Variants in KCNMB2 observed in about 807,000 individuals in gnomAD.
KCNMB2 encodes potassium calcium-activated channel subfamily M regulatory beta subunit 2.
In KCNMB2, 9 loss-of-function variants were observed where a neutral mutation model predicts 24.5. The ratio of observed to expected loss-of-function variants is 0.37; its 90% CI spans 0.22 to 0.64. The LOEUF is 0.64. Among genes scored for constraint, KCNMB2 ranks in the 30% least tolerant of loss-of-function variants. The pLI, the probability that KCNMB2 is intolerant of heterozygous loss-of-function variation, is 0.63. For synonymous variants in KCNMB2, 109 were observed against 104.4 expected (o/e 1.04, Z -0.27); for missense variants, 226 against 284.3 (o/e 0.79, Z 1.47).
At chr3:178,784,049 C>T (rs1389809217) in intron 1 of KCNMB2, among the ~76,000 whole-genome samples, 1 of 152,120 alleles carries the variant, frequency 6.6e-6, no homozygotes, top group African/African-American at 2.4e-5. Context: ...TCTTAACAGA[C>T]TGATGTCTAT....
Position 178,667,014 on chromosome 3 carries a change from T to C in KCNMB2, c.-68+130303T>C, listed in dbSNP as rs558272695. Among the ~76,000 whole-genome samples, 14 of 152,354 alleles carry C rather than the reference T, an allele frequency of 9.2e-5. No individual in the cohort carries two copies. The South Asian group carries it at 2.9e-3, about 32-fold the overall frequency. The stretch of plus-strand genomic sequence containing the variant: ...AGATTACTTATAATACTTAATACAA[T>C]GTAAATGCTACATAAATGGTTTTTC... On this transcript the variant is annotated intron_variant, in intron 1 of 4. Transcript: ENST00000452583.
intron 1 of KCNMB2, among the ~76,000 whole-genome samples, chr3:178,589,704 C>G (rs1717591079): frequency 6.6e-6 from 1 of 152,160 alleles, no homozygotes; most frequent in South Asian, 2.1e-4. Flanking sequence ...TGGTCTCAAA[C>G]TCCTTGACAA....
At chr3:178,561,369 A>G (rs1716310504) in intron 1 of KCNMB2, among the ~76,000 whole-genome samples, 2 of 152,328 alleles carry the variant, frequency 1.3e-5, no homozygotes, top group African/African-American at 4.8e-5. Context: ...ATGCTGAGAA[A>G]TAGGCCATTT....
intron 1 of KCNMB2, among the ~76,000 whole-genome samples, chr3:178,564,549 A>T (rs1396502047): frequency 6.6e-6 from 1 of 152,238 alleles, no homozygotes; most frequent in Non-Finnish European, 1.5e-5. Flanking sequence ...ATAAAGATTT[A>T]TCAAACACCC....
At chr3:178,764,797 A>G (rs1464662998) in intron 1 of KCNMB2, among the ~76,000 whole-genome samples, 1 of 152,204 alleles carries the variant, frequency 6.6e-6, no homozygotes, top group Non-Finnish European at 1.5e-5. Flanking sequence ...ATATATAGCA[A>G]CTAAACTTTG....
At chr3:178,688,236 G>A (rs894466914) in intron 1 of KCNMB2, among the ~76,000 whole-genome samples, 4 of 152,080 alleles carry the variant, frequency 2.6e-5, no homozygotes, top group African/African-American at 9.7e-5. Flanking sequence ...TTAATGTTAT[G>A]GCAAATTTTG....
chr3:178,539,226 T>C (rs976608690), intron 1 of KCNMB2, among the ~76,000 whole-genome samples: 2 of 152,078 alleles, frequency 1.3e-5, no homozygotes, highest in African/African-American at 4.8e-5. Context: ...AAAATATAAT[T>C]AAAAATAAAG....
At chr3:178,569,839 CA>C (rs1283296711) in intron 1 of KCNMB2, among the ~76,000 whole-genome samples, 3 of 152,160 alleles carry the variant, frequency 2.0e-5, no homozygotes, top group African/African-American at 7.2e-5. Context: ...CTGCTTCCAG[CA>C]ATAGCTTCTG....
At chr3:178,685,967 A>G (rs918761610) in intron 1 of KCNMB2, among the ~76,000 whole-genome samples, 3 of 152,174 alleles carry the variant, frequency 2.0e-5, no homozygotes, top group African/African-American at 7.2e-5. Context: ...ACCACAAATC[A>G]TGGTCTTAAT....
chr3:178,618,529 C>A (rs1416226515), intron 1 of KCNMB2, among the ~76,000 whole-genome samples: 1 of 152,178 alleles, frequency 6.6e-6, no homozygotes, highest in Non-Finnish European at 1.5e-5. Context: ...CTGACACTTT[C>A]TTTCACTCTC....
At chr3:178,825,421 C>CA (rs1714794638) in intron 2 of KCNMB2, among the ~76,000 whole-genome samples, 167 bp from the exon 3 acceptor site, 1 of 152,096 alleles carries the variant, frequency 6.6e-6, no homozygotes, top group African/African-American at 2.4e-5. Context: ...AGTGTGTGTA[C>CA]ATGCATGTGT....
At chr3:178,726,631 GGAATT>G (rs1722975830) in intron 1 of KCNMB2, among the ~76,000 whole-genome samples, 2 of 151,702 alleles carry the variant, frequency 1.3e-5, no homozygotes, top group East Asian at 3.9e-4. Flanking sequence ...AAAGAACACT[GGAATT>G]GCTTTTACAG....
chr3:178,798,919 C>T (rs1247904911), intron 1 of KCNMB2, among the ~76,000 whole-genome samples: 1 of 151,386 alleles, frequency 6.6e-6, no homozygotes, highest in African/African-American at 2.4e-5. Flanking sequence ...TAAAAATAAA[C>T]AATGTGATGT....
At chr3:178,654,700 T>C (rs142942041) in intron 1 of KCNMB2, among the ~76,000 whole-genome samples, 64 of 152,322 alleles carry the variant, frequency 4.2e-4, no homozygotes, top group East Asian at 3.7e-3. Context: ...GTTTTTTAAG[T>C]GTAGAGAGTT....
intron 3 of KCNMB2, among the ~76,000 whole-genome samples, chr3:178,827,139 C>CCATTGCTAT (rs1489708690): frequency 3.7e-4 from 57 of 152,108 alleles, no homozygotes; most frequent in African/African-American, 1.3e-3. Flanking sequence ...ACATGTTTTC[C>CCATTGCTAT]CATTGCTATG....
chr3:178,790,019 G>A (rs1390369519), intron 1 of KCNMB2, among the ~76,000 whole-genome samples: 1 of 151,260 alleles, frequency 6.6e-6, no homozygotes, highest in Non-Finnish European at 1.5e-5. Flanking sequence ...CTTGAGGAGA[G>A]GTAAGGGGAA....
intron 1 of KCNMB2, among the ~76,000 whole-genome samples, chr3:178,614,317 GTATATATATATGTATGTA>G (rs1560131789): frequency 3.0e-5 from 3 of 99,700 alleles, no homozygotes; most frequent in African/African-American, 1.1e-4. Context: ...ATATGTATGT[GTATATATATATGTATGTA>G]TATATATATA....
At chr3:178,684,855 A>T (rs1286965217) in intron 1 of KCNMB2, among the ~76,000 whole-genome samples, 2 of 152,156 alleles carry the variant, frequency 1.3e-5, no homozygotes, top group South Asian at 2.1e-4. Context: ...ATAGTGTGTT[A>T]TTTTGCTTCA....
At chr3:178,618,890 G>C (rs930013568) in intron 1 of KCNMB2, among the ~76,000 whole-genome samples, 29 of 152,252 alleles carry the variant, frequency 1.9e-4, no homozygotes, top group African/African-American at 6.7e-4. Flanking sequence ...ATTTCCTTTA[G>C]TCCTTAGGTA....
Sources: allele counts gnomAD v4.1 joint callset (sites outside exome capture counted in the v4.1 genomes callset), GRCh38; gene constraint gnomAD v4.1.1; transcripts MANE v1.5; gene names NCBI Gene and HGNC (gene_info 2026-07-23, HGNC 2026-07-21).